Variants in RNF214 observed in about 807,000 individuals in gnomAD.
RNF214 encodes the protein ring finger protein 214.
Under a neutral mutation model 75.9 loss-of-function variants are expected in RNF214, and 25 were observed. That is an observed-to-expected ratio of 0.33 (90% CI 0.24 to 0.46). The LOEUF is 0.46. Ranked by LOEUF, RNF214 falls within the 20% of genes least tolerant of loss-of-function variation. The probability of loss-of-function intolerance (pLI) is 1.00; values close to 1 mark genes in which losing one functional copy is unlikely to be tolerated. For synonymous variants in RNF214, 314 were observed against 308.8 expected (o/e 1.02, Z -0.18); for missense variants, 725 against 857.5 (o/e 0.85, Z 1.93).
At chr11:117,275,603 G>A (rs936173430) in intron 6 of RNF214, among the ~76,000 whole-genome samples, 2 of 152,144 alleles carry the variant, frequency 1.3e-5, no homozygotes, top group African/African-American at 4.8e-5. Context: ...TGAGACTGCT[G>A]TGAACACATA....
chr11:117,269,650 A>G lies in RNF214; in HGVS notation c.960-10258A>G, dbSNP rs533856497. On this transcript the variant is annotated intron_variant, in intron 6 of 14. Coordinates refer to ENST00000300650, the MANE Select transcript of RNF214 (RefSeq NM_207343.4). ...AGTACTGGGATTACAGGCGTGAGCC[A>G]CTGGAGCCACTGTGCTTGGCCTAAC... Among the ~76,000 whole-genome samples, 14 of 152,332 alleles carry G rather than the reference A, an allele frequency of 9.2e-5. No homozygotes were observed. In the East Asian group the frequency reaches 2.7e-3, roughly 29 times the overall value.
intron 2 of RNF214, among the ~76,000 whole-genome samples, chr11:117,237,281 A>G (rs1029012634): frequency 6.6e-6 from 1 of 152,142 alleles, no homozygotes; most frequent in Non-Finnish European, 1.5e-5. Context: ...GGGTCTTGCT[A>G]TGTTTCCCAG....
At position 117,239,015 on chromosome 11, in the gene RNF214, A is replaced by G. The variant is rs775756507; in HGVS notation, c.522A>G (p.Val174=). 5.0e-6 allele frequency: 8 copies of G among 1,614,218 alleles called. No homozygotes were observed. Among genetic ancestry groups the G allele is most frequent in the African/African-American group, 4.0e-5 (3 of 75,066 alleles). The change falls in exon 3 of 15, where the codon GTA becomes GTG. Residue 174 remains valine (V), a synonymous_variant. Transcript: ENST00000300650. ...NRDTSLDFRP[V]VSPANGVEGV... ...ACACAAGCTTGGATTTCCGACCTGT[A>G]GTGTCTCCAGCAAATGGGGTTGAAG...
Position 117,282,390 on chromosome 11 carries a change from T to A in RNF214, c.1713-14T>A. Reference sequence around the variant, plus strand: ...AGCATAGGCTTTCTCTCCCTCAACATTTTTTTTCCTCAGGGCCCAGATGAC... The same window carrying A: ...AGCATAGGCTTTCTCTCCCTCAACAATTTTTTTCCTCAGGGCCCAGATGAC... On this transcript the variant is annotated splice_polypyrimidine_tract_variant and intron_variant, in intron 11 of 14. Coordinates refer to ENST00000300650, the MANE Select transcript of RNF214 (RefSeq NM_207343.4). 6.2e-7 allele frequency: 1 copy of A among 1,610,452 alleles called. No individual in the cohort carries two copies. Among genetic ancestry groups the A allele is most frequent in the African/African-American group, 1.3e-5 (1 of 74,926 alleles).
chr11:117,268,808 T>C (rs960854612), intron 6 of RNF214, among the ~76,000 whole-genome samples: 1 of 152,234 alleles, frequency 6.6e-6, no homozygotes, highest in African/African-American at 2.4e-5. Flanking sequence ...TTGAGTCTTC[T>C]GATTCATGAA....
chr11:117,258,118 G>A (rs753512774), intron 6 of RNF214, among the ~76,000 whole-genome samples: 32 of 149,508 alleles, frequency 2.1e-4, no homozygotes, highest in Non-Finnish European at 3.5e-4. Context: ...ACAGAGTCTC[G>A]CTCTGTCGCC....
At chr11:117,284,498 T>C (rs2034201860) in intron 14 of RNF214, among the ~76,000 whole-genome samples, 1 of 152,168 alleles carries the variant, frequency 6.6e-6, no homozygotes, top group Non-Finnish European at 1.5e-5. Context: ...AAATGGATCC[T>C]AAGGGGGAGC....
intron 6 of RNF214, among the ~76,000 whole-genome samples, chr11:117,267,542 G>A (rs1272005687): frequency 4.0e-5 from 6 of 151,448 alleles, no homozygotes; most frequent in African/African-American, 9.7e-5. Context: ...TGAAACCCCC[G>A]TCTCTACAAA....
chr11:117,252,063 T>G (rs897390496), intron 6 of RNF214, among the ~76,000 whole-genome samples: 3 of 152,110 alleles, frequency 2.0e-5, no homozygotes, highest in African/African-American at 7.2e-5. Context: ...GAGACGAGGT[T>G]TCACCATGTT....
chr11:117,261,667 A>G (rs962043206), intron 6 of RNF214, among the ~76,000 whole-genome samples: 3 of 152,086 alleles, frequency 2.0e-5, no homozygotes, highest in Admixed American at 1.3e-4. Context: ...TGTGAGTGTG[A>G]CAGAGTCTCC....
At chr11:117,251,857 T>C (rs1256630180) in intron 6 of RNF214, among the ~76,000 whole-genome samples, 2 of 151,914 alleles carry the variant, frequency 1.3e-5, no homozygotes, top group African/African-American at 4.9e-5. Context: ...TTGCATTTTA[T>C]TTTTATTTTA....
intron 5 of RNF214, among the ~76,000 whole-genome samples, chr11:117,246,606 T>C (rs534450781): frequency 3.9e-4 from 59 of 152,366 alleles, no homozygotes; most frequent in African/African-American, 1.4e-3. Flanking sequence ...TCCTGTTGAG[T>C]TGAAATCTGC....
At position 117,281,986 on chromosome 11, in the gene RNF214, GC is replaced by G; in HGVS notation, c.1431del (p.Ser478ValfsTer12). ...GGCAGGTCACAATGCCCATGGTTATGCCCAGTGCAGATCCCCGCTCCTTGTC... is the reference window on the plus strand; with the variant it reads ...GGCAGGTCACAATGCCCATGGTTATGCCAGTGCAGATCCCCGCTCCTTGTC... ...IGQVTMPMVM[P>X]SADPRSLSFP... On this transcript the variant is annotated frameshift_variant, in exon 11 of 15. Coordinates refer to ENST00000300650, the MANE Select transcript of RNF214 (RefSeq NM_207343.4). LOFTEE classifies it high-confidence loss of function. The G allele has an allele frequency of 6.2e-7, 1 of 1,614,062 alleles. No homozygotes were observed. The highest frequency in any genetic ancestry group is 8.5e-7 in the Non-Finnish European group (1 of 1,180,006).
At chr11:117,276,391 C>T (rs2034016398) in intron 6 of RNF214, among the ~76,000 whole-genome samples, 1 of 152,158 alleles carries the variant, frequency 6.6e-6, no homozygotes, top group African/African-American at 2.4e-5. Flanking sequence ...AGGAAGATCA[C>T]TTGAGTCCAG....
intron 1 of RNF214, among the ~76,000 whole-genome samples, chr11:117,234,057 C>T (rs2032826705): frequency 6.6e-6 from 1 of 152,202 alleles, no homozygotes; most frequent in African/African-American, 2.4e-5. Context: ...TATGTAAATA[C>T]AGTGACTCCT....
chr11:117,238,728 G>C lies in RNF214; in HGVS notation c.235G>C (p.Gly79Arg). The stretch of plus-strand genomic sequence containing the variant: ...AGAGCAGAATCCTGGTTCATCAGCA[G>C]GTGACACCTCAGCAGCGCACCAGGT... Reference protein sequence around the residue: ...HSEQNPGSSAGDTSAAHQVVL... With the variant: ...HSEQNPGSSARDTSAAHQVVL... The change falls in exon 3 of 15, where the codon GGT becomes CGT. Residue 79 changes from glycine to arginine, a missense_variant. Around this residue, in one of 2 missense-constraint regions of RNF214, gnomAD observed 362 missense variants for 344.5 expected, o/e 1.05. Coordinates refer to ENST00000300650, the MANE Select transcript of RNF214 (RefSeq NM_207343.4). The C allele has an allele frequency of 1.2e-6, 2 of 1,614,194 alleles. No homozygotes were observed. The highest frequency in any genetic ancestry group is 2.2e-5 in the East Asian group (1 of 44,888).
chr11:117,251,909 C>G (rs1232292692), intron 6 of RNF214, among the ~76,000 whole-genome samples: 1 of 152,170 alleles, frequency 6.6e-6, no homozygotes, highest in African/African-American at 2.4e-5. Flanking sequence ...CACTCTGTTG[C>G]CCAGGCAGGA....
At position 117,235,335 on chromosome 11, in the gene RNF214, T is replaced by C. The variant is rs181013890; in HGVS notation, c.107+956T>C. ...CCTCAGCCTCCCCAGTAGCTGGGAC[T>C]ACAGGCGCCCGCCACTACGCCCGGC... On this transcript the variant is annotated intron_variant, in intron 2 of 14. Transcript: ENST00000300650. Among the ~76,000 whole-genome samples, 1,400 of 151,662 alleles carry C rather than the reference T, an allele frequency of 9.2e-3. 13 individuals are homozygous for C. Among genetic ancestry groups the C allele is most frequent in the African/African-American group, 0.032 (1,331 of 41,432 alleles).
chr11:117,276,736 G>A (rs2034023020), intron 6 of RNF214, among the ~76,000 whole-genome samples: 1 of 152,210 alleles, frequency 6.6e-6, no homozygotes, highest in Non-Finnish European at 1.5e-5. Context: ...TATGTGGAAT[G>A]TTTCCATTGA....
Sources: allele counts gnomAD v4.1 joint callset (sites outside exome capture counted in the v4.1 genomes callset), GRCh38; gene constraint gnomAD v4.1.1; regional missense constraint gnomAD v4.1.1; transcripts MANE v1.5; gene names NCBI Gene and HGNC (gene_info 2026-07-23, HGNC 2026-07-21).